Variants in ANKRD36B observed in about 807,000 individuals in gnomAD.
ANKRD36B encodes ankyrin repeat domain-containing protein 36B.
Under a neutral mutation model 135.7 loss-of-function variants are expected in ANKRD36B, and 37 were observed. The ratio of observed to expected loss-of-function variants is 0.27; its 90% CI spans 0.21 to 0.36. The LOEUF is 0.36. ANKRD36B is among the 10% of genes least tolerant of loss of function. The probability of loss-of-function intolerance (pLI) is 1.00; values close to 1 mark genes in which losing one functional copy is unlikely to be tolerated. For missense variants in ANKRD36B, 549 were observed against 1,037.1 expected, an observed-to-expected ratio of 0.53 and a Z score of 6.46; for synonymous variants, 179 against 348.1, an observed-to-expected ratio of 0.51 and a Z score of 5.41.
At chr2:97,569,342 C>T (rs1326274531) in intron 6 of ANKRD36B, among the ~76,000 whole-genome samples, 1 of 152,032 alleles carries the variant, frequency 6.6e-6, no homozygotes, top group African/African-American at 2.4e-5. Flanking sequence ...ACTATGTTAT[C>T]CTTAATATAT....
intron 5 of ANKRD36B, among the ~76,000 whole-genome samples, chr2:97,578,632 G>A (rs1236283276): frequency 6.6e-6 from 1 of 152,016 alleles, no homozygotes; most frequent in Non-Finnish European, 1.5e-5. Context: ...GGTTATACTG[G>A]AAATAAAATG....
At chr2:97,541,788 A>C in intron 28 of ANKRD36B, 123 bp downstream of exon 28, 2 of 845,102 alleles carry the variant, frequency 2.4e-6, no homozygotes, top group Non-Finnish European at 1.8e-6. Flanking sequence ...ATTACAAATG[A>C]AGAATCTCAG....
chr2:97,552,710 A>G (rs560224076), intron 16 of ANKRD36B, among the ~76,000 whole-genome samples: 6 of 152,054 alleles, frequency 3.9e-5, no homozygotes, highest in African/African-American at 1.4e-4. Flanking sequence ...CGTCCTTGGG[A>G]AAATAATTGC....
chr2:97,576,624 T>C (rs1417959185), intron 5 of ANKRD36B, among the ~76,000 whole-genome samples, 178 bp from the exon 6 acceptor site: 5 of 150,494 alleles, frequency 3.3e-5, no homozygotes, highest in Non-Finnish European at 5.9e-5. Context: ...TAAAAACAGG[T>C]GAAGTACTCA....
At chr2:97,547,510 G>C (rs1236342060) in intron 22 of ANKRD36B, 26 bp downstream of exon 22, 2 of 1,532,464 alleles carry the variant, frequency 1.3e-6, no homozygotes, top group African/African-American at 1.4e-5. Flanking sequence ...GACTGAACAT[G>C]ACATTAAATC....
intron 3 of ANKRD36B, among the ~76,000 whole-genome samples, chr2:97,583,229 C>T (rs1446265064): frequency 1.7e-4 from 18 of 103,264 alleles, no homozygotes; most frequent in Admixed American, 8.3e-4. Flanking sequence ...GAGAGAACCC[C>T]GCTTTTAATA....
chr2:97,552,667 C>G (rs2080168887), intron 16 of ANKRD36B, among the ~76,000 whole-genome samples: 1 of 151,866 alleles, frequency 6.6e-6, no homozygotes, highest in South Asian at 2.1e-4. Flanking sequence ...ATATAAATAA[C>G]TTCTCTTCCC....
At chr2:97,575,666 T>C (rs1238562063) in intron 6 of ANKRD36B, among the ~76,000 whole-genome samples, 12 of 149,548 alleles carry the variant, frequency 8.0e-5, no homozygotes, top group East Asian at 1.9e-4. Context: ...TCAACTATTA[T>C]TGTTTTTTTA....
At chr2:97,525,164 A>G (rs2104394926) in intron 35 of ANKRD36B, among the ~76,000 whole-genome samples, 1 of 97,692 alleles carries the variant, frequency 1.0e-5, no homozygotes, top group African/African-American at 3.1e-5. Flanking sequence ...AACACAAATC[A>G]TGAAACTTTA....
In ANKRD36B at chr2:97,535,726, A is replaced by G. The variant is rs1467511974; in HGVS notation, c.2191+574T>C. ...AAAAACTATTGAATTCCAAATTGGAAACTTCAGAGTATCAAAATGTAAAAG... is the reference window on the plus strand; with the variant it reads ...AAAAACTATTGAATTCCAAATTGGAGACTTCAGAGTATCAAAATGTAAAAG... On this transcript the variant is annotated intron_variant, in intron 34 of 43. Coordinates refer to ENST00000359901, the MANE Select transcript of ANKRD36B (RefSeq NM_001393939.1). 5.1e-5 allele frequency among the ~76,000 whole-genome samples: 5 copies of G among 98,638 alleles called. 2 individuals carry two copies. Among genetic ancestry groups the G allele is most frequent in the Non-Finnish European group, 1.4e-4 (5 of 36,612 alleles). The allele number at this position is 98,638 out of a possible 152,430, so 64.7% of individuals were successfully genotyped here. A position where few individuals can be genotyped will look rare whatever the true frequency, so the allele number is the denominator to read the frequency against.
chr2:97,549,226 C>T (rs1300187416), intron 20 of ANKRD36B, among the ~76,000 whole-genome samples, 193 bp downstream of exon 20: 24 of 143,862 alleles, frequency 1.7e-4, no homozygotes, highest in African/African-American at 5.0e-4. Context: ...AATCTTACAG[C>T]GAAGGTCATG....
intron 18 of ANKRD36B, among the ~76,000 whole-genome samples, chr2:97,550,668 C>G (rs1385141821): frequency 2.6e-5 from 4 of 151,740 alleles, no homozygotes; most frequent in Admixed American, 1.3e-4. Flanking sequence ...TATGCCAATT[C>G]AAGCACTGTT....
In ANKRD36B at chr2:97,589,699, C is replaced by T; in HGVS notation, c.-14G>A. The T allele has an allele frequency of 6.2e-7, 1 of 1,614,080 alleles. No homozygotes were observed. The highest frequency in any genetic ancestry group is 8.5e-7 in the Non-Finnish European group (1 of 1,180,002). On this transcript the variant is annotated 5_prime_UTR_variant, in exon 1 of 44. Coordinates refer to ENST00000359901, the MANE Select transcript of ANKRD36B (RefSeq NM_001393939.1). ...CAAGCGCTCCATGAGGGTGGGCCAC[C>T]TCTCCCGCTCGTCGTCTTCCTTAAT...
intron 6 of ANKRD36B, among the ~76,000 whole-genome samples, chr2:97,564,849 A>AT (rs1361909365): frequency 6.6e-6 from 1 of 152,160 alleles, no homozygotes; most frequent in Non-Finnish European, 1.5e-5. Flanking sequence ...TGTCTTGGCT[A>AT]TATGGGCTCT....
intron 6 of ANKRD36B, among the ~76,000 whole-genome samples, chr2:97,561,630 T>C (rs2081034356): frequency 6.6e-6 from 1 of 151,898 alleles, no homozygotes; most frequent in Non-Finnish European, 1.5e-5. Flanking sequence ...AGCTTTTACA[T>C]CTGGAAATCA....
rs191895831 is a variant in ANKRD36B, at chr2:97,531,608, C to A, written c.2265+703G>T. Among the ~76,000 whole-genome samples, 3 of 95,566 alleles carry A rather than the reference C, an allele frequency of 3.1e-5. 1 individual carries two copies. The highest frequency in any genetic ancestry group is 2.4e-4 in the South Asian group (1 of 4,226). 62.7% of individuals were successfully genotyped at this position (95,566 alleles called of 152,430 possible). ...AATTCTTACATTTTAATGCAAATTA[C>A]ATATTGTAATATGATTGACAGTGTT... On this transcript the variant is annotated intron_variant, in intron 35 of 43. Coordinates refer to ENST00000359901, the MANE Select transcript of ANKRD36B (RefSeq NM_001393939.1).
At chr2:97,563,533 G>C (rs1210567328) in intron 6 of ANKRD36B, among the ~76,000 whole-genome samples, 1 of 151,884 alleles carries the variant, frequency 6.6e-6, no homozygotes, top group Non-Finnish European at 1.5e-5. Context: ...TGACATCTGG[G>C]AACACTCTAT....
intron 4 of ANKRD36B, among the ~76,000 whole-genome samples, chr2:97,580,158 C>T (rs1487404687): frequency 6.6e-6 from 1 of 152,206 alleles, no homozygotes; most frequent in Non-Finnish European, 1.5e-5. Context: ...TTGTAAATAA[C>T]ACCACATCAT....
chr2:97,554,240 G>A (rs535871706), intron 14 of ANKRD36B, among the ~76,000 whole-genome samples: 1 of 151,980 alleles, frequency 6.6e-6, no homozygotes, highest in African/African-American at 2.4e-5. Context: ...TGTCTTGTTA[G>A]GAGGATCATA....
Sources: allele counts gnomAD v4.1 joint callset (sites outside exome capture counted in the v4.1 genomes callset), GRCh38; gene constraint gnomAD v4.1.1; transcripts MANE v1.5; gene names NCBI Gene and HGNC (gene_info 2026-07-23, HGNC 2026-07-21).